NEGR1: variants seen among roughly 807,000 people sequenced by gnomAD.
The protein encoded by NEGR1 is IgLON family member 4.
NEGR1 carries 10 observed loss-of-function variants against 40.9 expected under a neutral mutation model. The observed-to-expected ratio is 0.24, with a 90% confidence interval of 0.15 to 0.42. The LOEUF is 0.42. NEGR1 is among the 10% of genes least tolerant of loss of function. The pLI, the probability that NEGR1 is intolerant of heterozygous loss-of-function variation, is 1.00. For missense variants in NEGR1, 352 were observed against 438.9 expected (o/e 0.80, Z 1.77); for synonymous variants, 185 against 166.8 (o/e 1.11, Z -0.84).
At chr1:72,084,085 C>T (rs1348599903) in intron 1 of NEGR1, among the ~76,000 whole-genome samples, 4 of 152,080 alleles carry the variant, frequency 2.6e-5, no homozygotes, top group Non-Finnish European at 4.4e-5. Flanking sequence ...ATCTTTTCAT[C>T]GTCTTCATAG....
chr1:71,439,446 T>G (rs976858945), intron 6 of NEGR1, among the ~76,000 whole-genome samples: 1 of 152,180 alleles, frequency 6.6e-6, no homozygotes, highest in South Asian at 2.1e-4. Flanking sequence ...CACTGCAACC[T>G]CTGCCTTCTG....
At chr1:71,714,427 A>C (rs1654207960) in intron 3 of NEGR1, among the ~76,000 whole-genome samples, 2 of 152,210 alleles carry the variant, frequency 1.3e-5, no homozygotes, top group Non-Finnish European at 2.9e-5. Context: ...AACAGTCTGC[A>C]AAAGTCTTAA....
intron 1 of NEGR1, among the ~76,000 whole-genome samples, chr1:72,196,217 C>T (rs919099860): frequency 1.3e-5 from 2 of 151,956 alleles, no homozygotes; most frequent in Non-Finnish European, 2.9e-5. Flanking sequence ...AAAGAAAATG[C>T]TCACTGGAAC....
At chr1:71,756,394 C>CAAAA (rs1293104436) in intron 3 of NEGR1, among the ~76,000 whole-genome samples, 3 of 58,630 alleles carry the variant, frequency 5.1e-5, no homozygotes, top group East Asian at 1.0e-3. Flanking sequence ...CTCAAAAAAA[C>CAAAA]AAAAAACAAA....
At chr1:71,627,161 A>T (rs995739756) in intron 4 of NEGR1, among the ~76,000 whole-genome samples, 2 of 152,186 alleles carry the variant, frequency 1.3e-5, no homozygotes, top group African/African-American at 4.8e-5. Flanking sequence ...TACCCAAAGG[A>T]TTATAAATCA....
At chr1:71,747,945 C>T (rs1557637446) in intron 3 of NEGR1, among the ~76,000 whole-genome samples, 1 of 151,804 alleles carries the variant, frequency 6.6e-6, no homozygotes, top group Non-Finnish European at 1.5e-5. Flanking sequence ...CATCCAGGTT[C>T]TTTCAAATCC....
At chr1:71,445,209 T>C (rs938646768) in intron 6 of NEGR1, among the ~76,000 whole-genome samples, 1 of 151,996 alleles carries the variant, frequency 6.6e-6, no homozygotes, top group Non-Finnish European at 1.5e-5. Flanking sequence ...TTAAGACTTA[T>C]CATGAGGAAA....
chr1:71,847,547 T>A (rs917430306), intron 2 of NEGR1, among the ~76,000 whole-genome samples: 3 of 152,200 alleles, frequency 2.0e-5, no homozygotes, highest in African/African-American at 7.2e-5. Context: ...CTCTTGTAAT[T>A]GTTTTAATTG....
At chr1:71,767,338 G>A (rs567350686) in intron 3 of NEGR1, among the ~76,000 whole-genome samples, 1 of 152,264 alleles carries the variant, frequency 6.6e-6, no homozygotes, top group African/African-American at 2.4e-5. Flanking sequence ...TAGAGTAAAG[G>A]TCACTTTTGC....
At chr1:71,690,211 C>T (rs914119236) in intron 4 of NEGR1, among the ~76,000 whole-genome samples, 10 of 151,910 alleles carry the variant, frequency 6.6e-5, no homozygotes, top group Admixed American at 3.9e-4. Flanking sequence ...AATAATGATG[C>T]TATGGCGAAG....
chr1:72,191,294 T>C (rs531588761), intron 1 of NEGR1, among the ~76,000 whole-genome samples: 2 of 151,890 alleles, frequency 1.3e-5, no homozygotes, highest in South Asian at 4.1e-4. Context: ...TTAGGTTCCT[T>C]TTGATCTCAA....
intron 1 of NEGR1, among the ~76,000 whole-genome samples, chr1:72,125,912 G>C (rs142335295): frequency 5.1e-4 from 78 of 152,276 alleles, no homozygotes; most frequent in East Asian, 3.9e-4. Flanking sequence ...CAGGTGTCCA[G>C]ACTCTCAGTC....
chr1:71,805,388 A>C (rs1053850885), intron 2 of NEGR1, among the ~76,000 whole-genome samples: 1 of 152,060 alleles, frequency 6.6e-6, no homozygotes, highest in Non-Finnish European at 1.5e-5. Context: ...AGGGGGCATC[A>C]CGGAACCTGC....
intron 3 of NEGR1, among the ~76,000 whole-genome samples, chr1:71,775,359 T>C (rs1656465596): frequency 6.6e-6 from 1 of 151,770 alleles, no homozygotes; most frequent in Non-Finnish European, 1.5e-5. Context: ...TTTTTTTTTT[T>C]TTTTTGAGAC....
intron 1 of NEGR1, among the ~76,000 whole-genome samples, chr1:72,258,140 C>T (rs1359118748): frequency 6.6e-6 from 1 of 152,140 alleles, no homozygotes; most frequent in Non-Finnish European, 1.5e-5. Context: ...CAGTAGTTCT[C>T]AACTCAGGGT....
chr1:71,745,222 A>G (rs1655343786), intron 3 of NEGR1, among the ~76,000 whole-genome samples: 1 of 152,174 alleles, frequency 6.6e-6, no homozygotes, highest in African/African-American at 2.4e-5. Context: ...ACTATTCACA[A>G]CATTTATCTG....
At position 71,793,207 on chromosome 1, in the gene NEGR1, A is replaced by C. The variant is rs1166311364; in HGVS notation, c.410-16910T>G. Among the ~76,000 whole-genome samples, 3 of 139,988 alleles carry C rather than the reference A, an allele frequency of 2.1e-5. No homozygotes were observed. In the East Asian group the frequency reaches 6.1e-4, roughly 28 times the overall value. 91.8% of individuals were successfully genotyped at this position (139,988 alleles called of 152,430 possible). A position where few individuals can be genotyped will look rare whatever the true frequency, so the allele number is the denominator to read the frequency against. Reference sequence around the variant, plus strand: ...TCTTTTTTTTTTTTTTTTAGATGGAATCTTGCTCTGTCGCCCAGGCTGGAG... The same window carrying C: ...TCTTTTTTTTTTTTTTTTAGATGGACTCTTGCTCTGTCGCCCAGGCTGGAG... On this transcript the variant is annotated intron_variant, in intron 2 of 6. Coordinates refer to ENST00000357731, the MANE Select transcript of NEGR1 (RefSeq NM_173808.3).
chr1:71,907,332 T>C (rs756610359), intron 2 of NEGR1, among the ~76,000 whole-genome samples: 1 of 152,174 alleles, frequency 6.6e-6, no homozygotes, highest in African/African-American at 2.4e-5. Flanking sequence ...AATATAACTA[T>C]TGTTGGAAAC....
chr1:71,671,750 C>T (rs1024561925), intron 4 of NEGR1, among the ~76,000 whole-genome samples: 5 of 152,190 alleles, frequency 3.3e-5, no homozygotes, highest in Admixed American at 1.3e-4. Context: ...TTGACTGCAA[C>T]TGTACTTTGG....
Sources: allele counts gnomAD v4.1 joint callset (sites outside exome capture counted in the v4.1 genomes callset), GRCh38; gene constraint gnomAD v4.1.1; transcripts MANE v1.5; gene names NCBI Gene and HGNC (gene_info 2026-07-23, HGNC 2026-07-21).